ZNF678: variants seen among roughly 807,000 people sequenced by gnomAD.
ZNF678 encodes zinc finger protein 678.
A neutral mutation model predicts 3.0 loss-of-function variants in ZNF678; 5 were observed. The ratio of observed to expected loss-of-function variants is 1.69; its 90% CI spans 0.88 to 3.56. The LOEUF (loss-of-function observed/expected upper bound fraction) is 3.56. Ranked by LOEUF, ZNF678 falls within the 30% of genes most tolerant of loss-of-function variation. The pLI is 0.00. For missense variants in ZNF678, 593 were observed against 605.0 expected (o/e 0.98, Z 0.21); for synonymous variants, 218 against 199.6 (o/e 1.09, Z -0.78).
intron 1 of ZNF678, among the ~76,000 whole-genome samples, chr1:227,568,817 TATTGA>T (rs2102712837): frequency 6.6e-6 from 1 of 152,242 alleles, no homozygotes; most frequent in Non-Finnish European, 1.5e-5. Context: ...GTGGTGTCAG[TATTGA>T]ATTATTGAGC....
intron 1 of ZNF678, among the ~76,000 whole-genome samples, chr1:227,566,661 A>C (rs760021834): frequency 6.6e-6 from 1 of 152,158 alleles, no homozygotes; most frequent in Non-Finnish European, 1.5e-5. Flanking sequence ...AGATTTGTTC[A>C]CTTATTTCAT....
Position 227,650,806 on chromosome 1 carries a change from A to G in ZNF678, c.-36-150A>G, listed in dbSNP as rs541902748. On this transcript the variant is annotated intron_variant, in intron 2 of 3. Transcript: ENST00000343776. ...AAAACTGATATTTGTATAACCTTTTATATTCTGCCAATTTACTGAGATTTT... is the reference window on the plus strand; with the variant it reads ...AAAACTGATATTTGTATAACCTTTTGTATTCTGCCAATTTACTGAGATTTT... 3 of 549,840 alleles carry G rather than the reference A, an allele frequency of 5.5e-6. No homozygotes were observed. The East Asian group carries it at 8.7e-5, about 16-fold the overall frequency. 34.1% of individuals were successfully genotyped at this position (549,840 alleles called of 1,614,324 possible).
At chr1:227,599,608 A>G (rs753101923) in intron 1 of ZNF678, among the ~76,000 whole-genome samples, 33 of 152,206 alleles carry the variant, frequency 2.2e-4, no homozygotes, top group East Asian at 5.8e-4. Context: ...TTAGATTACT[A>G]TGAAGACCAT....
Position 227,673,957 on chromosome 1 carries a change from G to A in ZNF678, c.227-3222G>A, listed in dbSNP as rs117616576. Among the ~76,000 whole-genome samples, 701 of 152,214 alleles carry A rather than the reference G, an allele frequency of 4.6e-3. 19 individuals are homozygous for A. In the South Asian group the frequency reaches 0.057, roughly 12 times the overall value. ...ACACATACAAATATATTATTATGAA[G>A]TATATGAGAAAAAAAGAAAAGCTTT... On this transcript the variant is annotated intron_variant, in intron 5 of 5. Transcript: ENST00000608949.
chr1:227,592,894 C>T (rs190622537), intron 1 of ZNF678, among the ~76,000 whole-genome samples: 152 of 152,356 alleles, frequency 1.0e-3, no homozygotes, highest in African/African-American at 3.4e-3. Flanking sequence ...ACCACAGTAC[C>T]ACCACACATC....
chr1:227,651,899 A>G (rs1659100718), intron 3 of ZNF678, among the ~76,000 whole-genome samples: 3 of 152,202 alleles, frequency 2.0e-5, no homozygotes, highest in Admixed American at 2.0e-4. Flanking sequence ...TTATGTCCAT[A>G]GATGACTGAT....
In ZNF678 at chr1:227,622,198, C is replaced by G. The variant is rs191118067; in HGVS notation, c.-163-24346C>G. On this transcript the variant is annotated intron_variant, in intron 1 of 3. Coordinates refer to ENST00000343776, the MANE Select transcript of ZNF678 (RefSeq NM_001367909.1). ...GTACTTAGAGACTTCATCAACATAA[C>G]AAGAACTTTGGTGTCCACAACTTGC... Among the ~76,000 whole-genome samples the G allele has an allele frequency of 3.3e-5, 5 of 152,304 alleles. No homozygotes were observed. In the East Asian group the frequency reaches 9.6e-4, roughly 29 times the overall value.
At chr1:227,607,452 A>G (rs1657902761) in intron 1 of ZNF678, among the ~76,000 whole-genome samples, 2 of 152,226 alleles carry the variant, frequency 1.3e-5, no homozygotes, top group Admixed American at 6.5e-5. Flanking sequence ...AGTTTTATCA[A>G]ATGATGGCTG....
chr1:227,602,865 A>T (rs968944645), intron 1 of ZNF678, among the ~76,000 whole-genome samples: 7 of 152,200 alleles, frequency 4.6e-5, no homozygotes, highest in Non-Finnish European at 8.8e-5. Flanking sequence ...GCAGAGTTGC[A>T]TGTACCTGTA....
intron 1 of ZNF678, among the ~76,000 whole-genome samples, chr1:227,635,110 C>A (rs1658641554): frequency 6.6e-6 from 1 of 151,516 alleles, no homozygotes; most frequent in South Asian, 2.1e-4. Flanking sequence ...TCTTAATTCT[C>A]CAAGTTGAAT....
At chr1:227,668,524 A>G (rs938708693) in intron 5 of ZNF678, among the ~76,000 whole-genome samples, 1 of 152,048 alleles carries the variant, frequency 6.6e-6, no homozygotes, top group Non-Finnish European at 1.5e-5. Context: ...TTTCTGATTC[A>G]TGGCTGGTCT....
At chr1:227,626,742 AT>A (rs1161128098) in intron 1 of ZNF678, among the ~76,000 whole-genome samples, 5 of 151,848 alleles carry the variant, frequency 3.3e-5, no homozygotes, top group Admixed American at 6.6e-5. Flanking sequence ...CGTTTCATTC[AT>A]TTTCTCAACT....
intron 1 of ZNF678, among the ~76,000 whole-genome samples, chr1:227,622,388 G>A (rs927346913): frequency 1.1e-4 from 17 of 152,298 alleles, no homozygotes; most frequent in African/African-American, 4.1e-4. Context: ...ATTGATTTAT[G>A]TTTATGCCTG....
intron 1 of ZNF678, among the ~76,000 whole-genome samples, chr1:227,608,271 A>G (rs988077963): frequency 6.6e-6 from 1 of 152,092 alleles, no homozygotes; most frequent in Non-Finnish European, 1.5e-5. Context: ...AGAAAATTCC[A>G]ACTGATTTTT....
chr1:227,664,577 A>G (rs1007349319), downstream of ZNF678, among the ~76,000 whole-genome samples: 17 of 152,236 alleles, frequency 1.1e-4, no homozygotes, highest in African/African-American at 3.6e-4. Context: ...CAATGCCTGC[A>G]TTGTTGGAAA....
chr1:227,611,085 G>T lies in ZNF678; in HGVS notation c.-163-35459G>T, dbSNP rs556661944. On this transcript the variant is annotated intron_variant, in intron 1 of 3. Coordinates refer to ENST00000343776, the MANE Select transcript of ZNF678 (RefSeq NM_001367909.1). ...TGTCTCAATTTGTAGAGAAATTCAG[G>T]TGCAGTTCACTTTTACTTTTAAAGG... Among the ~76,000 whole-genome samples the T allele has an allele frequency of 2.0e-5, 3 of 152,262 alleles. No homozygotes were observed. The South Asian group carries it at 6.2e-4, about 32-fold the overall frequency.
intron 1 of ZNF678, among the ~76,000 whole-genome samples, chr1:227,573,834 A>G (rs979423911): frequency 6.6e-6 from 1 of 152,106 alleles, no homozygotes; most frequent in East Asian, 1.9e-4. Flanking sequence ...CACTTCTACC[A>G]TCAGATAAGT....
chr1:227,571,771 G>A (rs1449477035), intron 1 of ZNF678, among the ~76,000 whole-genome samples: 1 of 152,236 alleles, frequency 6.6e-6, no homozygotes, highest in South Asian at 2.1e-4. Context: ...AGCCGGGCGC[G>A]GTGGCTCATG....
At position 227,654,481 on chromosome 1, in the gene ZNF678, G is replaced by A; in HGVS notation, c.231G>A (p.Lys77=). ...VKDWRTVNEG[K]GQKEYCNRLT... ...ACTGGAGAACTGTGAATGAAGGTAA[G>A]GGGCAGAAAGAATATTGCAATAGAC... is the stretch of plus-strand genomic sequence containing the variant. The change falls in exon 4 of 4, where the codon AAG becomes AAA. Residue 77 remains lysine, a synonymous_variant. Transcript: ENST00000343776. The A allele has an allele frequency of 6.2e-7, 1 of 1,613,234 alleles. No homozygotes were observed. Among genetic ancestry groups the A allele is most frequent in the South Asian group, 1.1e-5 (1 of 91,042 alleles).
Sources: allele counts gnomAD v4.1 joint callset (sites outside exome capture counted in the v4.1 genomes callset), GRCh38; gene constraint gnomAD v4.1.1; transcripts MANE v1.5; gene names NCBI Gene and HGNC (gene_info 2026-07-23, HGNC 2026-07-21).